MELK: variants seen among roughly 807,000 people sequenced by gnomAD.
MELK encodes the protein pEg3 kinase.
MELK carries 81 observed loss-of-function variants against 85.0 expected under a neutral mutation model. The ratio of observed to expected loss-of-function variants is 0.95; its 90% CI spans 0.80 to 1.15. The LOEUF is 1.15. Ranked by LOEUF, MELK falls within the 50% of genes most tolerant of loss-of-function variation. The pLI is 0.00. For synonymous variants in MELK, 252 were observed against 265.0 expected (o/e 0.95, Z 0.48); for missense variants, 754 against 777.5 (o/e 0.97, Z 0.36).
chr9:36,670,935 CT>C (rs1832827765), intron 15 of MELK, 62 bp from the exon 16 acceptor site: 3 of 1,514,048 alleles, frequency 2.0e-6, no homozygotes, highest in African/African-American at 1.4e-5. Flanking sequence ...AAAGTTCACC[CT>C]TGTGGACCCC....
chr9:36,634,794 C>G (rs1011702699), intron 10 of MELK, among the ~76,000 whole-genome samples: 1 of 151,848 alleles, frequency 6.6e-6, no homozygotes, highest in Non-Finnish European at 1.5e-5. Context: ...GTCAGGAGTT[C>G]GAGACCAGCC....
chr9:36,644,597 T>A (rs2137004343), intron 11 of MELK, among the ~76,000 whole-genome samples: 1 of 152,348 alleles, frequency 6.6e-6, no homozygotes, highest in South Asian at 2.1e-4. Flanking sequence ...GTAAGATTTG[T>A]GTGGTCCTCA....
intron 4 of MELK, among the ~76,000 whole-genome samples, chr9:36,591,390 T>C (rs1375926505): frequency 6.6e-6 from 1 of 151,912 alleles, no homozygotes; most frequent in Non-Finnish European, 1.5e-5. Context: ...CTGGGCAACA[T>C]GGGAAAACCG....
intron 11 of MELK, among the ~76,000 whole-genome samples, chr9:36,648,366 G>C (rs1830407971): frequency 6.6e-6 from 1 of 152,146 alleles, no homozygotes; most frequent in Non-Finnish European, 1.5e-5. Context: ...AAAGGCTCAG[G>C]AATCAGAGGT....
intron 8 of MELK, among the ~76,000 whole-genome samples, chr9:36,611,970 A>T (rs11793543): frequency 6.6e-6 from 1 of 151,392 alleles, no homozygotes; most frequent in Non-Finnish European, 1.5e-5. Flanking sequence ...ACGGGGTTTC[A>T]CCATATTGGT....
chr9:36,671,173 A>C lies in MELK; in HGVS notation c.1674+7A>C. 1 of 1,561,476 alleles carries C rather than the reference A, an allele frequency of 6.4e-7. No homozygotes were observed. The highest frequency in any genetic ancestry group is 8.7e-7 in the Non-Finnish European group (1 of 1,155,226). On this transcript the variant is annotated splice_region_variant and intron_variant, in intron 16 of 17. Coordinates refer to ENST00000298048, the MANE Select transcript of MELK (RefSeq NM_014791.4). ...CGGGCCCAGAAGACTAAAGGTAAGC[A>C]GGCTGGAATTCTTTCATATGGAGCA...
intron 13 of MELK, among the ~76,000 whole-genome samples, chr9:36,657,853 G>T (rs1021647357): frequency 9.2e-5 from 14 of 152,184 alleles, no homozygotes; most frequent in African/African-American, 3.4e-4. Context: ...AAAGTGCTGG[G>T]ATTACAGGCG....
chr9:36,620,775 T>A (rs1297166848), intron 8 of MELK, among the ~76,000 whole-genome samples: 1 of 151,436 alleles, frequency 6.6e-6, no homozygotes, highest in Non-Finnish European at 1.5e-5. Flanking sequence ...GGTCTCGAAC[T>A]CCTGACCTTG....
chr9:36,648,770 G>A (rs1830440771), intron 11 of MELK, among the ~76,000 whole-genome samples: 1 of 152,164 alleles, frequency 6.6e-6, no homozygotes, highest in Admixed American at 6.6e-5. Context: ...GTTCATCTTA[G>A]AGAGGAGCCT....
intron 10 of MELK, 40 bp downstream of exon 10, chr9:36,633,240 T>C: frequency 7.0e-7 from 1 of 1,430,318 alleles, no homozygotes; most frequent in Non-Finnish European, 9.7e-7. Flanking sequence ...TTTTTGACTT[T>C]GTGTGGTCTT....
chr9:36,647,170 A>G (rs1489306655), intron 11 of MELK, among the ~76,000 whole-genome samples: 1 of 152,222 alleles, frequency 6.6e-6, no homozygotes, highest in Non-Finnish European at 1.5e-5. Flanking sequence ...GGATGGTTGT[A>G]GAAATCCTAG....
At chr9:36,610,194 C>G (rs1471826447) in intron 8 of MELK, among the ~76,000 whole-genome samples, 1 of 152,194 alleles carries the variant, frequency 6.6e-6, no homozygotes, top group African/African-American at 2.4e-5. Context: ...TAAAGCAACT[C>G]TCACTTCTAG....
chr9:36,636,413 A>T (rs1236194360), intron 10 of MELK, among the ~76,000 whole-genome samples: 17 of 152,024 alleles, frequency 1.1e-4, no homozygotes, highest in Admixed American at 1.1e-3. Flanking sequence ...GAGGCAGGAG[A>T]ATCACTTGAA....
chr9:36,664,322 G>A (rs1832131237), intron 13 of MELK, among the ~76,000 whole-genome samples: 1 of 152,000 alleles, frequency 6.6e-6, no homozygotes, highest in African/African-American at 2.4e-5. Context: ...GTGTCTTTTG[G>A]AATTTTTTAT....
intron 8 of MELK, among the ~76,000 whole-genome samples, chr9:36,615,558 TGGG>T (rs1826623586): frequency 7.9e-6 from 1 of 125,948 alleles, no homozygotes. Flanking sequence ...ACTTCCCAGA[TGGG>T]GTGGCTGCTG....
chr9:36,630,853 C>T (rs570324445), intron 9 of MELK, among the ~76,000 whole-genome samples: 37 of 152,082 alleles, frequency 2.4e-4, no homozygotes, highest in African/African-American at 8.7e-4. Flanking sequence ...AGAGTTTTCC[C>T]ATGTTGGCCA....
chr9:36,617,308 A>G (rs1001633993), intron 8 of MELK, among the ~76,000 whole-genome samples: 2 of 151,874 alleles, frequency 1.3e-5, no homozygotes, highest in African/African-American at 4.8e-5. Flanking sequence ...TTATTTAGTG[A>G]AATTCATCAA....
intron 9 of MELK, among the ~76,000 whole-genome samples, chr9:36,630,746 T>G (rs979436525): frequency 2.1e-5 from 3 of 143,438 alleles, no homozygotes; most frequent in African/African-American, 7.8e-5. Context: ...CTTCGCCTTC[T>G]GGGTTCAAGT....
At chr9:36,664,972 T>C (rs796306552) in intron 13 of MELK, among the ~76,000 whole-genome samples, 6 of 152,334 alleles carry the variant, frequency 3.9e-5, no homozygotes, top group African/African-American at 1.4e-4. Flanking sequence ...TAGAGTAGTT[T>C]AACATGTTTT....
Sources: gnomAD v4.1 joint callset for allele counts (sites outside exome capture counted in the v4.1 genomes callset) on GRCh38, gnomAD v4.1.1 for gene constraint, MANE v1.5 for transcripts, NCBI Gene and HGNC (gene_info 2026-07-23, HGNC 2026-07-21) for gene names.